The following PHLPP1 variants were observed in gnomAD, a reference collection of about 807,000 sequenced individuals.
PHLPP1 encodes the protein PH domain leucine-rich repeat-containing protein phosphatase 1.
PHLPP1 carries 42 observed loss-of-function variants against 117.2 expected under a neutral mutation model. The ratio of observed to expected loss-of-function variants is 0.36; its 90% CI spans 0.28 to 0.46. PHLPP1 has a LOEUF of 0.46. Ranked by LOEUF, PHLPP1 falls within the 20% of genes least tolerant of loss-of-function variation. PHLPP1 has a pLI of 1.00. For missense variants in PHLPP1, 2,084 were observed against 2,241.9 expected, an observed-to-expected ratio of 0.93 and a Z score of 1.42; for synonymous variants, 1,042 against 970.7, an observed-to-expected ratio of 1.07 and a Z score of -1.37.
At chr18:62,871,644 A>ATTTTTTTTTTTT (rs71160879) in intron 4 of PHLPP1, among the ~76,000 whole-genome samples, 4 of 108,622 alleles carry the variant, frequency 3.7e-5, no homozygotes, top group Non-Finnish European at 7.5e-5. Context: ...AGCTCTGAAA[A>ATTTTTTTTTTTT]TTTTTTTTTT....
Position 62,717,226 on chromosome 18 carries a change from T to A in PHLPP1, c.1543T>A (p.Ser515Thr), listed in dbSNP as rs190856530. ...LWRVQEEGMD[S>T]EIGCLIRFYA... is the part of the protein sequence containing the mutation. ...GAGGGTGCAGGAGGAAGGCATGGACTCGGAGATTGGCTGCCTCATCCGCTT... is the reference window on the plus strand; with the variant it reads ...GAGGGTGCAGGAGGAAGGCATGGACACGGAGATTGGCTGCCTCATCCGCTT... The change falls in exon 1 of 17, where the codon TCG becomes ACG. Residue 515 changes from serine (S) to threonine (T), a missense_variant. Physicochemically the swap from Ser to Thr is moderately conservative, Grantham distance 58 (BLOSUM62 1). Transcript: ENST00000262719. 1.9e-4 allele frequency: 311 copies of A among 1,602,332 alleles called. No homozygotes were observed. The African/African-American group carries it at 3.9e-3, about 20-fold the overall frequency.
chr18:62,979,645 A>G lies in PHLPP1; in HGVS notation c.*214A>G. ...TAGTGATGCTTTACCAATATGATTT[A>G]CATTTGTTAACTTCTCCCCCTAACA... On this transcript the variant is annotated 3_prime_UTR_variant, in exon 17 of 17. Coordinates refer to ENST00000262719, the MANE Select transcript of PHLPP1 (RefSeq NM_194449.4). The G allele has an allele frequency of 1.7e-6, 1 of 583,896 alleles. No homozygotes were observed. The highest frequency in any genetic ancestry group is 2.2e-5 in the South Asian group (1 of 45,690). The allele number at this position is 583,896 out of a possible 1,614,324, so 36.2% of individuals were successfully genotyped here. A position where few individuals can be genotyped will look rare whatever the true frequency, so the allele number is the denominator to read the frequency against.
intron 1 of PHLPP1, among the ~76,000 whole-genome samples, chr18:62,794,009 C>G (rs893390154): frequency 6.6e-6 from 1 of 152,186 alleles, no homozygotes; most frequent in Non-Finnish European, 1.5e-5. Flanking sequence ...CCATAACTAA[C>G]TTGCTTTCCT....
At chr18:62,809,026 C>A (rs537206379) in intron 1 of PHLPP1, among the ~76,000 whole-genome samples, 1 of 152,228 alleles carries the variant, frequency 6.6e-6, no homozygotes, top group Admixed American at 6.5e-5. Flanking sequence ...TCATGTAGAT[C>A]ATATAAAACT....
chr18:62,870,117 C>T (rs1488537593), intron 4 of PHLPP1, among the ~76,000 whole-genome samples: 20 of 152,202 alleles, frequency 1.3e-4, no homozygotes. Flanking sequence ...AGGCTGGTCT[C>T]GAACTCCTGA....
intron 13 of PHLPP1, among the ~76,000 whole-genome samples, chr18:62,960,984 G>T (rs983583473): frequency 3.9e-5 from 6 of 152,126 alleles, no homozygotes; most frequent in Non-Finnish European, 8.8e-5. Flanking sequence ...GTGGTTCACA[G>T]AACTCTGACT....
At chr18:62,766,076 A>AAAAAATATATAT in intron 1 of PHLPP1, among the ~76,000 whole-genome samples, 5 of 21,660 alleles carry the variant, frequency 2.3e-4, no homozygotes, top group African/African-American at 6.0e-4. Flanking sequence ...AAAAAAAAAA[A>AAAAAATATATAT]ATATATATAT....
intron 11 of PHLPP1, 48 bp downstream of exon 11, chr18:62,941,966 G>A: frequency 6.9e-7 from 1 of 1,439,818 alleles, no homozygotes; most frequent in Non-Finnish European, 9.7e-7. Context: ...TTCTCAAAGT[G>A]TATTCATAGA....
chr18:62,834,498 C>T (rs774265018), intron 2 of PHLPP1, among the ~76,000 whole-genome samples: 3 of 152,156 alleles, frequency 2.0e-5, no homozygotes, highest in Non-Finnish European at 4.4e-5. Context: ...TAATGATCTC[C>T]TTGAGAAATA....
In PHLPP1 at chr18:62,715,769, C is replaced by G; in HGVS notation, c.86C>G (p.Ala29Gly). The G allele has an allele frequency of 2.0e-5, 18 of 917,798 alleles. No homozygotes were observed. Among genetic ancestry groups the G allele is most frequent in the South Asian group, 5.0e-5 (1 of 20,140 alleles). 56.9% of individuals were successfully genotyped at this position (917,798 alleles called of 1,614,324 possible). A position where few individuals can be genotyped will look rare whatever the true frequency, so the allele number is the denominator to read the frequency against. ...GCTTCGGCTCCGGCGGCCGCCGCTG[C>G]GGCAGCAGCAGCAGCAGCGGCGGCC... Reference protein sequence around the residue: ...DRASAPAAAAAAAAAAAAAAA... With the variant: ...DRASAPAAAAGAAAAAAAAAA... The change falls in exon 1 of 17, where the codon GCG becomes GGG. Residue 29 changes from alanine to glycine, a missense_variant. This residue lies in a region of PHLPP1 where 719 missense variants were observed against 636.0 expected (regional missense o/e 1.13). Coordinates refer to ENST00000262719, the MANE Select transcript of PHLPP1 (RefSeq NM_194449.4).
At chr18:62,916,605 GGTGTGTGT>G (rs71340133) in intron 9 of PHLPP1, among the ~76,000 whole-genome samples, 2 of 145,766 alleles carry the variant, frequency 1.4e-5, no homozygotes, top group East Asian at 2.0e-4. Flanking sequence ...CAAGAGGGTG[GGTGTGTGT>G]GTGTGTGTGT....
intron 5 of PHLPP1, 59 bp downstream of exon 5, chr18:62,895,216 G>A: frequency 6.5e-7 from 1 of 1,546,728 alleles, no homozygotes. Flanking sequence ...AGCTGCATTG[G>A]GGGTGTGGCA....
chr18:62,806,705 C>A (rs1913961026), intron 1 of PHLPP1, among the ~76,000 whole-genome samples: 1 of 152,160 alleles, frequency 6.6e-6, no homozygotes, highest in Non-Finnish European at 1.5e-5. Context: ...GAAATTAGAT[C>A]TTCAAGGATT....
intron 1 of PHLPP1, among the ~76,000 whole-genome samples, chr18:62,738,077 A>G (rs1444608791): frequency 6.6e-6 from 1 of 152,120 alleles, no homozygotes; most frequent in African/African-American, 2.4e-5. Context: ...GGCCATCTGT[A>G]TCCATGGGTT....
rs1316967303 is a variant in PHLPP1 at position 62,715,741 on chromosome 18, C to G, written c.58C>G (p.Arg20Gly). 4 of 1,211,378 alleles carry G rather than the reference C, an allele frequency of 3.3e-6. No individual in the cohort carries two copies. The highest frequency in any genetic ancestry group is 4.1e-6 in the Non-Finnish European group (4 of 972,492). The allele number at this position is 1,211,378 out of a possible 1,614,324, so 75.0% of individuals were successfully genotyped here. A position where few individuals can be genotyped will look rare whatever the true frequency, so the allele number is the denominator to read the frequency against. Reference sequence around the variant, plus strand: ...ACTCCCCGAGCTCGGCAGGGAGGACCGAGCTTCGGCTCCGGCGGCCGCCGC... The same window carrying G: ...ACTCCCCGAGCTCGGCAGGGAGGACGGAGCTTCGGCTCCGGCGGCCGCCGC... The part of the protein sequence containing the change: ...QRLPELGRED[R>G]ASAPAAAAAA... The change falls in exon 1 of 17, where the codon CGA becomes GGA. Residue 20 changes from arginine to glycine, a missense_variant. Physicochemically the swap from Arg to Gly is moderately radical, Grantham distance 125. Coordinates refer to ENST00000262719, the MANE Select transcript of PHLPP1 (RefSeq NM_194449.4).
At chr18:62,867,266 A>AT (rs1229973293) in intron 4 of PHLPP1, among the ~76,000 whole-genome samples, 3 of 151,726 alleles carry the variant, frequency 2.0e-5, no homozygotes, top group Non-Finnish European at 2.9e-5. Context: ...CTATGTTTTG[A>AT]TTTTTTCATT....
At position 62,980,051 on chromosome 18, in the gene PHLPP1, T is replaced by G. The variant is rs1397647426; in HGVS notation, c.*620T>G. 1 of 152,732 alleles carries G rather than the reference T, an allele frequency of 6.5e-6. No individual in the cohort carries two copies. Among genetic ancestry groups the G allele is most frequent in the African/African-American group, 2.4e-5 (1 of 41,416 alleles). The allele number at this position is 152,732 out of a possible 1,614,324, so 9.5% of individuals were successfully genotyped here. On this transcript the variant is annotated 3_prime_UTR_variant, in exon 17 of 17. Coordinates refer to ENST00000262719, the MANE Select transcript of PHLPP1 (RefSeq NM_194449.4). ...TGTTGTATAGTGAGGCTTACGATGTTTTGTAGTCTTGGCGTAAGGACACAG... is the reference window on the plus strand; with the variant it reads ...TGTTGTATAGTGAGGCTTACGATGTGTTGTAGTCTTGGCGTAAGGACACAG...
chr18:62,895,295 T>TG, intron 5 of PHLPP1, 138 bp downstream of exon 5: 1 of 787,324 alleles, frequency 1.3e-6, no homozygotes. Flanking sequence ...TCAGGGACTA[T>TG]GTAGTCCGTA....
chr18:62,958,282 A>G (rs937316152), intron 12 of PHLPP1, among the ~76,000 whole-genome samples: 8 of 152,218 alleles, frequency 5.3e-5, no homozygotes, highest in Non-Finnish European at 8.8e-5. Flanking sequence ...TGTTTGAGCT[A>G]TAGTTCTCAT....
Sources: allele counts gnomAD v4.1 joint callset (sites outside exome capture counted in the v4.1 genomes callset), GRCh38; gene constraint gnomAD v4.1.1; regional missense constraint gnomAD v4.1.1; transcripts MANE v1.5; gene names NCBI Gene and HGNC (gene_info 2026-07-23, HGNC 2026-07-21).